TESMIN: variants seen among roughly 807,000 people sequenced by gnomAD.
The protein encoded by TESMIN is CXC domain containing 2.
In TESMIN, 34 loss-of-function variants were observed where a neutral mutation model predicts 47.4. The observed-to-expected ratio is 0.72, with a 90% CI of 0.55 to 0.96. The LOEUF (loss-of-function observed/expected upper bound fraction) is 0.96. Ranked by LOEUF, TESMIN falls within the 40% of genes least tolerant of loss-of-function variation. The pLI is 0.00. For missense variants in TESMIN, 610 were observed against 637.2 expected, an observed-to-expected ratio of 0.96 and a Z score of 0.46; for synonymous variants, 278 against 258.9, an observed-to-expected ratio of 1.07 and a Z score of -0.71.
At chr11:68,736,139 G>C in intron 6 of TESMIN, 21 of 985,320 alleles carry the variant, frequency 2.1e-5, no homozygotes, top group Non-Finnish European at 2.4e-5. Flanking sequence ...GCGGACTCTT[G>C]AATATTCTTT....
Position 68,745,039 on chromosome 11 carries a change from G to A in TESMIN, c.703C>T (p.Leu235Phe). Residue 235 changes from leucine (L) to phenylalanine (F), a missense_variant, in exon 4 of 10, where the codon CTC becomes TTC. Transcript: ENST00000255087. ...TCTTGATACTGAGGAACCAAATGGA[G>A]TGCTTTTAGTTCTCTTGTTCTAGAA... ...DNSRTRELKA[L>F]HLVPQYQDQN... 6.3e-7 allele frequency: 1 copy of A among 1,591,402 alleles called. No individual in the cohort carries two copies.
rs536300348 is a variant in TESMIN, at chr11:68,747,505, T to A, written c.472-139A>T. The stretch of plus-strand genomic sequence containing the variant: ...GTCTCTACTAGGCATGGTGGCACAC[T>A]CCCAGCTACCGGAGAGGTTGAGGCA... On this transcript the variant is annotated intron_variant, in intron 2 of 9. Transcript: ENST00000255087. 10 of 754,928 alleles carry A rather than the reference T, an allele frequency of 1.3e-5. No homozygotes were observed. The East Asian group carries it at 2.7e-4, about 20-fold the overall frequency. 46.8% of individuals were successfully genotyped at this position (754,928 alleles called of 1,614,324 possible). A position where few individuals can be genotyped will look rare whatever the true frequency, so the allele number is the denominator to read the frequency against.
chr11:68,713,360 C>T lies in TESMIN; in HGVS notation c.1068G>A (p.Lys356=), dbSNP rs372119772. ...NPEAFQPKIG[K]GQLGNVKPQH... ...GGGGCTTGACATTGCCCAATTGGCCCTTCCCAATTTTTGGCTGGAAAGCTT... is the reference window on the plus strand; with the variant it reads ...GGGGCTTGACATTGCCCAATTGGCCTTTCCCAATTTTTGGCTGGAAAGCTT... Residue 356 remains lysine, a synonymous_variant, in exon 8 of 10, where the codon AAG becomes AAA. Transcript: ENST00000255087. The T allele has an allele frequency of 1.5e-5, 24 of 1,614,050 alleles. No homozygotes were observed. The highest frequency in any genetic ancestry group is 1.9e-5 in the Non-Finnish European group (23 of 1,180,044).
Position 68,750,515 on chromosome 11 carries a change from A to C in TESMIN, c.146T>G (p.Phe49Cys). The C allele has an allele frequency of 6.2e-7, 1 of 1,604,366 alleles. No homozygotes were observed. The highest frequency in any genetic ancestry group is 1.3e-5 in the African/African-American group (1 of 74,706). ...VKYEEDEFHV[F>C]KEAYLGPADP... Reference sequence around the variant, plus strand: ...CGCCGGGCCCAGGTACGCTTCTTTGAAGACGTGGAACTCGTCCTCCTCGTA... The same window carrying C: ...CGCCGGGCCCAGGTACGCTTCTTTGCAGACGTGGAACTCGTCCTCCTCGTA... Residue 49 changes from phenylalanine to cysteine, a missense_variant, in exon 2 of 10, where the codon TTC becomes TGC. Physicochemically the swap from Phe to Cys is radical, Grantham distance 205. Coordinates refer to ENST00000255087, the MANE Select transcript of TESMIN (RefSeq NM_004923.3).
At chr11:68,731,703 C>T (rs1490665304) in intron 6 of TESMIN, among the ~76,000 whole-genome samples, 1 of 152,192 alleles carries the variant, frequency 6.6e-6, no homozygotes, top group Non-Finnish European at 1.5e-5. Context: ...TGTTCCTTCA[C>T]CTGAACCAAG....
At chr11:68,721,428 A>C (rs954226799) in intron 6 of TESMIN, among the ~76,000 whole-genome samples, 3 of 151,956 alleles carry the variant, frequency 2.0e-5, no homozygotes, top group Non-Finnish European at 4.4e-5. Context: ...CTTGCTCAAC[A>C]CGTCCCACCC....
At chr11:68,750,045 C>G in intron 2 of TESMIN, 145 bp downstream of exon 2, 1 of 641,626 alleles carries the variant, frequency 1.6e-6, no homozygotes. Context: ...TACGCTCTAC[C>G]GAGAATCAGT....
Position 68,714,632 on chromosome 11 carries a change from A to G in TESMIN, c.1020+1205T>C, listed in dbSNP as rs1272828524. Among the ~76,000 whole-genome samples, 3 of 152,334 alleles carry G rather than the reference A, an allele frequency of 2.0e-5. No individual in the cohort carries two copies. The East Asian group carries it at 5.8e-4, about 29-fold the overall frequency. ...CGCTTAGCTGTAGCTCCTGCTTTTC[A>G]TCAATGCATCAATTCATCCATTCTA... On this transcript the variant is annotated intron_variant, in intron 7 of 9. Transcript: ENST00000255087.
Position 68,747,228 on chromosome 11 carries a change from T to G in TESMIN, c.610A>C (p.Lys204Gln). 1 of 1,614,182 alleles carries G rather than the reference T, an allele frequency of 6.2e-7. No individual in the cohort carries two copies. Among genetic ancestry groups the G allele is most frequent in the South Asian group, 1.1e-5 (1 of 91,084 alleles). The part of the protein sequence containing the change: ...ELEDASCCSL[K>Q]KDSNPMVICQ... Reference sequence around the variant, plus strand: ...ATTACCATTGGGTTGGAATCTTTCTTAAGAGAACAGCAGGAGGCATCCTCT... The same window carrying G: ...ATTACCATTGGGTTGGAATCTTTCTGAAGAGAACAGCAGGAGGCATCCTCT... Residue 204 changes from lysine to glutamine, a missense_variant, in exon 3 of 10, where the codon AAG becomes CAG. By Grantham distance (53) the Lys-to-Gln change is moderately conservative. Transcript: ENST00000255087.
chr11:68,749,047 ACT>A (rs2153993483), intron 2 of TESMIN, among the ~76,000 whole-genome samples: 1 of 152,094 alleles, frequency 6.6e-6, no homozygotes, highest in East Asian at 1.9e-4. Flanking sequence ...TTCTGACTCC[ACT>A]CTGTGAGGAA....
chr11:68,738,554 GCATTGCTGATGGTAAAAA>G (rs1291540558), intron 6 of TESMIN, 128 bp downstream of exon 6: 7 of 1,437,204 alleles, frequency 4.9e-6, no homozygotes, highest in Non-Finnish European at 6.4e-6. Flanking sequence ...ACCGTTAGTG[GCATTGCTGATGGTAAAAA>G]CATTTCTCAG....
chr11:68,744,580 C>G (rs1349723426), intron 4 of TESMIN, among the ~76,000 whole-genome samples: 4 of 152,228 alleles, frequency 2.6e-5, no homozygotes, highest in Non-Finnish European at 5.9e-5. Context: ...ATTGATTACA[C>G]TGAAATGTTT....
intron 5 of TESMIN, 86 bp downstream of exon 5, chr11:68,742,232 T>G: frequency 1.2e-6 from 1 of 803,508 alleles, no homozygotes; most frequent in Middle Eastern, 3.6e-4. Flanking sequence ...TAAATTATAT[T>G]TCCTGAGTAA....
chr11:68,705,149 AG>A (rs1945986505), downstream of TESMIN, among the ~76,000 whole-genome samples: 1 of 152,296 alleles, frequency 6.6e-6, no homozygotes, highest in East Asian at 1.9e-4. Context: ...CCATGCACAA[AG>A]CTGTGCCCGG....
Position 68,707,716 on chromosome 11 carries a change from G to A in TESMIN, c.*592C>T, listed in dbSNP as rs1021185960. The A allele has an allele frequency of 1.9e-5, 8 of 413,868 alleles. No homozygotes were observed. Among genetic ancestry groups the A allele is most frequent in the Admixed American group, 7.6e-5 (3 of 39,540 alleles). The allele number at this position is 413,868 out of a possible 1,614,324, so 25.6% of individuals were successfully genotyped here. On this transcript the variant is annotated 3_prime_UTR_variant, in exon 10 of 10. Coordinates refer to ENST00000255087, the MANE Select transcript of TESMIN (RefSeq NM_004923.3). ...TGGCCTGCGAGGCCCCATTGCCTGC[G>A]TCTCCCGGGGGCCTTAGGAAAGACT...
chr11:68,749,998 G>C (rs552237185), intron 2 of TESMIN, among the ~76,000 whole-genome samples, 192 bp downstream of exon 2: 253 of 152,312 alleles, frequency 1.7e-3, no homozygotes, highest in African/African-American at 5.8e-3. Flanking sequence ...GCTTGGCTGG[G>C]CCGATGCATG....
intron 1 of TESMIN, among the ~76,000 whole-genome samples, chr11:68,750,961 C>T (rs2153993828): frequency 9.0e-6 from 1 of 111,212 alleles, no homozygotes; most frequent in African/African-American, 3.7e-5. Context: ...TGAGGGGCGG[C>T]CAGGTGAGGA....
At chr11:68,732,935 G>A (rs1234917469) in intron 6 of TESMIN, 1 of 152,182 alleles carries the variant, frequency 6.6e-6, no homozygotes, top group East Asian at 1.9e-4. Context: ...AAAATCACGT[G>A]AAGACTGTGG....
chr11:68,738,103 G>C (rs972015006), intron 6 of TESMIN: 2 of 985,790 alleles, frequency 2.0e-6, no homozygotes, highest in Non-Finnish European at 2.4e-6. Flanking sequence ...AGTTTAATTA[G>C]CAACAATTAT....
Sources: gnomAD v4.1 joint callset for allele counts (sites outside exome capture counted in the v4.1 genomes callset) on GRCh38, gnomAD v4.1.1 for gene constraint, MANE v1.5 for transcripts, NCBI Gene and HGNC (gene_info 2026-07-23, HGNC 2026-07-21) for gene names.